MTERF4: variants seen among roughly 807,000 people sequenced by gnomAD.
MTERF4 encodes the protein transcription termination factor 4, mitochondrial.
MTERF4 carries 17 observed loss-of-function variants against 22.5 expected under a neutral mutation model. The observed-to-expected ratio is 0.75, with a 90% CI of 0.52 to 1.13. The LOEUF is 1.13. Ranked by LOEUF, MTERF4 falls within the 50% of genes most tolerant of loss-of-function variation. The probability of loss-of-function intolerance (pLI) is 0.00; values close to 1 mark genes in which losing one functional copy is unlikely to be tolerated. For missense variants in MTERF4, 420 were observed against 466.8 expected (o/e 0.90, Z 0.92); for synonymous variants, 165 against 175.3 (o/e 0.94, Z 0.47).
chr2:241,049,015 T>C, the MTERF4 span: 1 of 1,607,072 alleles, frequency 6.2e-7, no homozygotes, highest in Non-Finnish European at 8.5e-7. Context: ...TCCTCCTTTC[T>C]CTCTAGAAAT....
chr2:241,051,717 C>A, the MTERF4 span: 1 of 1,448,110 alleles, frequency 6.9e-7, no homozygotes, highest in South Asian at 1.4e-5. The surrounding 1 kb of genome is among the most constrained non-coding windows in gnomAD (Gnocchi z 4.7). Flanking sequence ...TGGCCCCGTT[C>A]ATCTGCCTCT....
chr2:241,089,857 G>A (rs1021793626), downstream of MTERF4: 113 of 1,443,118 alleles, frequency 7.8e-5, no homozygotes, highest in Non-Finnish European at 1.0e-4. Context: ...CATGCTCCCG[G>A]GCTACACACC....
chr2:241,055,108 C>T, the MTERF4 span, among the ~76,000 whole-genome samples: 8 of 149,538 alleles, frequency 5.3e-5, 1 homozygote, highest in African/African-American at 1.5e-4. Context: ...TAGAGTAAGA[C>T]TCTGTCTCAA....
the MTERF4 span, chr2:241,049,703 T>G: frequency 3.6e-5 from 26 of 723,890 alleles, no homozygotes; most frequent in Non-Finnish European, 4.5e-5. Context: ...TCAGTGGCCT[T>G]GGTTCCAGAC....
At chr2:241,089,406 A>AAAC, downstream of MTERF4, 1 of 1,550,498 alleles carries the variant, frequency 6.4e-7, no homozygotes, top group Non-Finnish European at 8.7e-7. Flanking sequence ...GAACCTTTAA[A>AAAC]AACAAACAGA....
At chr2:241,071,512 CAG>C (rs1190514422), downstream of MTERF4, 3 of 1,530,468 alleles carry the variant, frequency 2.0e-6, no homozygotes, top group Non-Finnish European at 1.8e-6. Context: ...ACCCATGCCA[CAG>C]GGGCAGGGAC....
At chr2:241,051,646 C>A in the MTERF4 span, 1 of 993,608 alleles carries the variant, frequency 1.0e-6, no homozygotes, top group Non-Finnish European at 1.4e-6. The surrounding 1 kb of genome is among the most constrained non-coding windows in gnomAD (Gnocchi z 4.7). Context: ...GAAGGCCCCA[C>A]CAGCACCAGA....
the MTERF4 span, among the ~76,000 whole-genome samples, chr2:241,055,005 T>A: frequency 1.3e-5 from 2 of 151,968 alleles, no homozygotes; most frequent in African/African-American, 4.8e-5. Flanking sequence ...TAATCCCAGC[T>A]ACTCAGGAGG....
chr2:241,063,736 C>A, the MTERF4 span: 1 of 1,406,514 alleles, frequency 7.1e-7, no homozygotes, highest in Non-Finnish European at 9.9e-7. Context: ...ACATGCAGAG[C>A]CTGGGCCTCT....
downstream of MTERF4, chr2:241,070,183 C>T (rs756753352): frequency 1.9e-6 from 3 of 1,605,980 alleles, no homozygotes; most frequent in South Asian, 3.3e-5. Flanking sequence ...CGAGCCCGCC[C>T]ACCTCTACAT....
At chr2:241,072,335 C>G in exon 5 of MTERF4, 1 of 405,166 alleles carries the variant, frequency 2.5e-6, no homozygotes, top group South Asian at 1.8e-5. Context: ...GCTGATGGGC[C>G]CAGGTGCCTT....
At chr2:241,085,965 T>C (rs1216388561), downstream of MTERF4, among the ~76,000 whole-genome samples, 1 of 150,850 alleles carries the variant, frequency 6.6e-6, no homozygotes, top group Non-Finnish European at 1.5e-5. Context: ...CCTCCTGGGT[T>C]CAAGCTATTC....
At chr2:241,101,314 G>C (rs1462044241) in intron 1 of MTERF4, 3 of 353,286 alleles carry the variant, frequency 8.5e-6, no homozygotes, top group South Asian at 2.2e-5. Flanking sequence ...TTCACAATAG[G>C]GTTCGCGCTC....
At chr2:241,054,643 C>G in the MTERF4 span, among the ~76,000 whole-genome samples, 1 of 152,138 alleles carries the variant, frequency 6.6e-6, no homozygotes, top group South Asian at 2.1e-4. Context: ...CATTGGCCAT[C>G]CAAAACAGGA....
chr2:241,042,964 G>T, the MTERF4 span, among the ~76,000 whole-genome samples: 3 of 152,018 alleles, frequency 2.0e-5, no homozygotes, highest in Admixed American at 6.6e-5. Flanking sequence ...TGGAGTCTGT[G>T]AAGGAGGATG....
chr2:241,044,262 CAAATT>C, the MTERF4 span, among the ~76,000 whole-genome samples: 1 of 152,122 alleles, frequency 6.6e-6, no homozygotes, highest in African/African-American at 2.4e-5. Flanking sequence ...CAAAGATTGT[CAAATT>C]GAATTGAAAA....
chr2:241,081,820 C>G, intron 4 of MTERF4: 1 of 1,499,832 alleles, frequency 6.7e-7, no homozygotes, highest in South Asian at 1.2e-5. Context: ...CCTCAGGGCG[C>G]CCCTTCCAAC....
chr2:241,066,071 C>T, the MTERF4 span, among the ~76,000 whole-genome samples: 6 of 152,116 alleles, frequency 3.9e-5, no homozygotes, highest in African/African-American at 1.2e-4. Context: ...GTGGCTCAAT[C>T]GGGAAGAGCC....
downstream of MTERF4, chr2:241,072,081 C>T (rs1475565330): frequency 8.5e-6 from 6 of 701,754 alleles, no homozygotes; most frequent in Admixed American, 2.0e-5. Flanking sequence ...AGGGGCAGCT[C>T]GTGAGGGCCT....
Sources: gnomAD v4.1 joint callset for allele counts (sites outside exome capture counted in the v4.1 genomes callset) on GRCh38, gnomAD v4.1.1 for gene constraint, Gnocchi (gnomAD v3.1) non-coding constraint, MANE v1.5 for transcripts, NCBI Gene and HGNC (gene_info 2026-07-23, HGNC 2026-07-21) for gene names.